TYW1B: variants seen among roughly 807,000 people sequenced by gnomAD.
TYW1B encodes tRNA-yW synthesizing protein 1 homolog B.
A neutral mutation model predicts 86.9 loss-of-function variants in TYW1B; 73 were observed. The ratio of observed to expected loss-of-function variants is 0.84; its 90% confidence interval spans 0.70 to 1.02. The LOEUF is 1.02. Ranked by LOEUF, TYW1B falls within the 50% of genes least tolerant of loss-of-function variation. TYW1B has a pLI of 0.00. For missense variants in TYW1B, 637 were observed against 827.4 expected (o/e 0.77, Z 2.82); for synonymous variants, 248 against 292.8 (o/e 0.85, Z 1.56).
chr7:72,762,167 A>T lies in TYW1B; in HGVS notation c.964+15249T>A, dbSNP rs186821105. 2.7e-3 allele frequency among the ~76,000 whole-genome samples: 416 copies of T among 152,278 alleles called. 2 individuals are homozygous for T. The highest frequency in any genetic ancestry group is 9.0e-3 in the African/African-American group (374 of 41,578). Reference sequence around the variant, plus strand: ...TCTGAAATCTGTTTCTTTAACACTCATCTTCTAAACTATTTCTATTTCTTC... The same window carrying T: ...TCTGAAATCTGTTTCTTTAACACTCTTCTTCTAAACTATTTCTATTTCTTC... On this transcript the variant is annotated intron_variant, in intron 7 of 13. Coordinates refer to ENST00000620995, the MANE Select transcript of TYW1B (RefSeq NM_001145440.3).
intron 13 of TYW1B, among the ~76,000 whole-genome samples, chr7:72,577,763 GAATGT>G (rs1214352066): frequency 6.6e-6 from 1 of 152,076 alleles, no homozygotes; most frequent in Non-Finnish European, 1.5e-5. Context: ...CTACGATCCT[GAATGT>G]AAAGTCTGAG....
rs528179729 is a variant in TYW1B at position 72,695,782 on chromosome 7, A to G, written c.1371-960T>C. On this transcript the variant is annotated intron_variant, in intron 10 of 13. Transcript: ENST00000620995. Reference sequence around the variant, plus strand: ...TAATTTTTAAAATTTTTTTGTAGAGACAGGGGTCCCACTACGTTACCTAGG... The same window carrying G: ...TAATTTTTAAAATTTTTTTGTAGAGGCAGGGGTCCCACTACGTTACCTAGG... 7.6e-4 allele frequency among the ~76,000 whole-genome samples: 115 copies of G among 152,032 alleles called. 1 individual carries two copies. The highest frequency in any genetic ancestry group is 2.6e-3 in the African/African-American group (109 of 41,490).
intron 12 of TYW1B, among the ~76,000 whole-genome samples, chr7:72,617,259 A>C (rs1340644345): frequency 2.6e-5 from 4 of 152,174 alleles, no homozygotes; most frequent in Non-Finnish European, 4.4e-5. Flanking sequence ...TGACCAAGTA[A>C]TTGATTCACT....
chr7:72,663,975 C>A (rs568195368), intron 11 of TYW1B, among the ~76,000 whole-genome samples: 1 of 151,754 alleles, frequency 6.6e-6, no homozygotes, highest in Non-Finnish European at 1.5e-5. Context: ...TAAAATGTAT[C>A]TCTACTGAGA....
chr7:72,624,550 G>A (rs547948215), intron 12 of TYW1B, among the ~76,000 whole-genome samples: 71 of 152,008 alleles, frequency 4.7e-4, no homozygotes, highest in Non-Finnish European at 8.5e-4. Context: ...TCCCTTTTGC[G>A]ACTACAGCAT....
At chr7:72,625,595 G>A (rs3132429) in intron 12 of TYW1B, among the ~76,000 whole-genome samples, 21,051 of 148,954 alleles carry the variant, frequency 0.14, 2,259 homozygotes, top group East Asian at 0.55. Context: ...CCAGGAGCTG[G>A]AGGCTGCTGT....
chr7:72,761,689 T>C (rs1787688437), intron 7 of TYW1B, among the ~76,000 whole-genome samples: 1 of 151,694 alleles, frequency 6.6e-6, no homozygotes, highest in Admixed American at 6.6e-5. Context: ...AAAATATGGA[T>C]ATGGAAAGAA....
intron 3 of TYW1B, among the ~76,000 whole-genome samples, chr7:72,812,412 G>A (rs1554478533): frequency 6.6e-6 from 1 of 152,138 alleles, no homozygotes; most frequent in African/African-American, 2.4e-5. Context: ...TTGCGGTTCA[G>A]GGATTCTCAA....
intron 6 of TYW1B, among the ~76,000 whole-genome samples, chr7:72,788,625 G>A (rs1178404010): frequency 1.3e-4 from 19 of 150,956 alleles, no homozygotes; most frequent in African/African-American, 3.4e-4. Context: ...CTCCGCTTCC[G>A]GGGTTCAAGC....
At chr7:72,731,803 G>C (rs139711564) in intron 8 of TYW1B, among the ~76,000 whole-genome samples, 2 of 152,090 alleles carry the variant, frequency 1.3e-5, no homozygotes, top group Non-Finnish European at 2.9e-5. Context: ...TTAGCCAGGC[G>C]TGGTGGTGGG....
At chr7:72,617,692 T>G (rs2129568435) in intron 12 of TYW1B, among the ~76,000 whole-genome samples, 1 of 152,344 alleles carries the variant, frequency 6.6e-6, no homozygotes, top group African/African-American at 2.4e-5. Context: ...AGGAGTTCAT[T>G]TTGTAATGCA....
chr7:72,664,148 T>C (rs550814126), intron 11 of TYW1B, among the ~76,000 whole-genome samples: 216 of 152,198 alleles, frequency 1.4e-3, no homozygotes, highest in Non-Finnish European at 2.4e-3. Context: ...CTATTCTCTT[T>C]CTTGCCAAAC....
At chr7:72,810,752 T>C (rs1435810065) in intron 3 of TYW1B, 87 bp from the exon 4 acceptor site, 7 of 1,484,746 alleles carry the variant, frequency 4.7e-6, no homozygotes, top group South Asian at 1.4e-5. Flanking sequence ...AGCATACTCA[T>C]CTCAAAGAAC....
chr7:72,756,126 G>A (rs893244317), intron 7 of TYW1B, among the ~76,000 whole-genome samples: 4 of 152,180 alleles, frequency 2.6e-5, no homozygotes, highest in Non-Finnish European at 5.9e-5. Context: ...AAATGTTTAA[G>A]AACAGTAATA....
chr7:72,746,702 G>A (rs1306853322), intron 7 of TYW1B, among the ~76,000 whole-genome samples: 1 of 152,136 alleles, frequency 6.6e-6, no homozygotes, highest in Non-Finnish European at 1.5e-5. Context: ...CTCTCTGCAC[G>A]TGCACAGAGG....
intron 9 of TYW1B, among the ~76,000 whole-genome samples, chr7:72,716,852 G>C (rs1489466120): frequency 4.5e-5 from 6 of 132,408 alleles, no homozygotes; most frequent in Non-Finnish European, 9.5e-5. Context: ...GTTTCACTAT[G>C]TTGGCCCGCC....
In TYW1B at chr7:72,725,979, G is replaced by C. The variant is rs183177523; in HGVS notation, c.1192+2843C>G. 4.6e-5 allele frequency among the ~76,000 whole-genome samples: 7 copies of C among 152,162 alleles called. No individual in the cohort carries two copies. The South Asian group carries it at 8.3e-4, about 18-fold the overall frequency. On this transcript the variant is annotated intron_variant, in intron 9 of 13. Transcript: ENST00000620995. ...TAACACACTCTCCAAAGGAAAATAC[G>C]ACTTTGCCTTGAAATTAAAAAGACA...
At chr7:72,638,950 A>C (rs1554441142) in intron 11 of TYW1B, among the ~76,000 whole-genome samples, 1 of 152,240 alleles carries the variant, frequency 6.6e-6, no homozygotes, top group African/African-American at 2.4e-5. Context: ...AAAAGGACTC[A>C]ATCAGCCAAA....
intron 11 of TYW1B, among the ~76,000 whole-genome samples, chr7:72,638,100 T>C (rs1428138282): frequency 6.7e-6 from 1 of 150,046 alleles, no homozygotes; most frequent in Non-Finnish European, 1.5e-5. Context: ...AAAAAACACA[T>C]GCAGAAATGT....
Sources: allele counts gnomAD v4.1 joint callset (sites outside exome capture counted in the v4.1 genomes callset), GRCh38; gene constraint gnomAD v4.1.1; transcripts MANE v1.5; gene names NCBI Gene and HGNC (gene_info 2026-07-23, HGNC 2026-07-21).